The following KIF3B variants were observed in gnomAD, a reference collection of about 807,000 sequenced individuals.
The protein encoded by KIF3B is kinesin family member 3B.
Under a neutral mutation model 74.3 loss-of-function variants are expected in KIF3B, and 38 were observed. The observed-to-expected ratio is 0.51, with a 90% CI of 0.39 to 0.67. The LOEUF (loss-of-function observed/expected upper bound fraction) is 0.67, where lower values mean the gene tolerates loss of function less well. KIF3B is among the 30% of genes least tolerant of loss of function. KIF3B has a pLI of 0.00. For missense variants in KIF3B, 649 were observed against 932.0 expected, an observed-to-expected ratio of 0.70 and a Z score of 3.95; for synonymous variants, 326 against 342.5, an observed-to-expected ratio of 0.95 and a Z score of 0.53.
Position 32,330,152 on chromosome 20 carries a change from T to C in KIF3B, c.1980T>C (p.Ile660=). ...RPEARYRAEN[I]VLLELDMPSR... Reference sequence around the variant, plus strand: ...CTGTGCTTCTGCAGGCAGAAAACATTGTGCTGTTAGAGCTGGACATGCCCA... The same window carrying C: ...CTGTGCTTCTGCAGGCAGAAAACATCGTGCTGTTAGAGCTGGACATGCCCA... Residue 660 remains isoleucine (I), a synonymous_variant, in exon 8 of 9, where the codon ATT becomes ATC. Transcript: ENST00000375712. The C allele has an allele frequency of 1.2e-6, 2 of 1,613,090 alleles. No homozygotes were observed. Among genetic ancestry groups the C allele is most frequent in the Non-Finnish European group, 1.7e-6 (2 of 1,179,592 alleles).
At chr20:32,305,099 G>A (rs1440018204) in intron 1 of KIF3B, among the ~76,000 whole-genome samples, 1 of 152,088 alleles carries the variant, frequency 6.6e-6, no homozygotes, top group African/African-American at 2.4e-5. Context: ...AGTGAGCCGA[G>A]ATCGCACCAC....
chr20:32,299,269 A>T (rs2047730157), intron 1 of KIF3B, among the ~76,000 whole-genome samples: 1 of 150,276 alleles, frequency 6.7e-6, no homozygotes, highest in East Asian at 2.0e-4. Flanking sequence ...TTCTAATATA[A>T]CTTTGTTTAC....
In KIF3B at chr20:32,316,784, C is replaced by CT. The variant is rs747881866; in HGVS notation, c.1659dup (p.Glu554Ter). 1 of 1,614,088 alleles carries CT rather than the reference C, an allele frequency of 6.2e-7. No individual in the cohort carries two copies. Among genetic ancestry groups the CT allele is most frequent in the Non-Finnish European group, 8.5e-7 (1 of 1,179,982 alleles). On this transcript the variant is annotated frameshift_variant, in exon 5 of 9. Coordinates refer to ENST00000375712, the MANE Select transcript of KIF3B (RefSeq NM_004798.4). LOFTEE classifies it high-confidence loss of function. ...TTCTCCAAGCTTCAGGCAGTGAAGG[C>CT]TGAGATCCATGACCTCCAAGAAGAA...
In KIF3B at chr20:32,310,080, A is replaced by G. The variant is rs778824009; in HGVS notation, c.303A>G (p.Gly101=). ...TTGCCTATGGACAAACTGGGACAGG[A>G]AAAACCTACACCATGGAAGGAATCC... ...TIFAYGQTGT[G]KTYTMEGIRG... Residue 101 remains glycine (G), a synonymous_variant, in exon 2 of 9, where the codon GGA becomes GGG. Transcript: ENST00000375712. The surrounding 1 kb of genome is among the most constrained non-coding windows in gnomAD (Gnocchi z 6.5). 3.1e-6 allele frequency: 5 copies of G among 1,614,194 alleles called. No individual in the cohort carries two copies. In the Middle Eastern group the frequency reaches 6.6e-4, roughly 213 times the overall value.
chr20:32,305,507 C>T (rs1380904992), intron 1 of KIF3B, among the ~76,000 whole-genome samples: 2 of 151,856 alleles, frequency 1.3e-5, no homozygotes, highest in African/African-American at 2.4e-5. Flanking sequence ...CTGAGTTTTC[C>T]AGCACCAAAT....
intron 1 of KIF3B, among the ~76,000 whole-genome samples, chr20:32,280,364 A>G (rs2047636346): frequency 2.3e-5 from 2 of 86,748 alleles, no homozygotes; most frequent in Admixed American, 1.2e-4. Flanking sequence ...AAATGTTGAT[A>G]TTTTTATACA....
chr20:32,314,743 C>G (rs991854271), intron 2 of KIF3B, among the ~76,000 whole-genome samples: 6 of 152,110 alleles, frequency 3.9e-5, no homozygotes, highest in Non-Finnish European at 7.4e-5. Context: ...AGGTCAAAAT[C>G]ATTCTCATGG....
chr20:32,320,941 T>C (rs1438131239), intron 5 of KIF3B, among the ~76,000 whole-genome samples: 1 of 152,132 alleles, frequency 6.6e-6, no homozygotes, highest in Admixed American at 6.5e-5. Context: ...TGGACGCATG[T>C]TTCATTCTCT....
chr20:32,329,015 C>G (rs1224858375), intron 7 of KIF3B, among the ~76,000 whole-genome samples: 1 of 152,192 alleles, frequency 6.6e-6, no homozygotes, highest in African/African-American at 2.4e-5. Context: ...TCAAGCAATT[C>G]TGGTGCTTCA....
intron 8 of KIF3B, among the ~76,000 whole-genome samples, chr20:32,330,894 A>G (rs1334457552): frequency 6.6e-6 from 1 of 152,246 alleles, no homozygotes; most frequent in Non-Finnish European, 1.5e-5. Flanking sequence ...TAGGAAAACA[A>G]TTGGGTGGAA....
At chr20:32,311,241 A>G in intron 2 of KIF3B, 60 bp downstream of exon 2, 1 of 1,474,046 alleles carries the variant, frequency 6.8e-7, no homozygotes, top group Non-Finnish European at 9.0e-7. Flanking sequence ...CTTTCATCAA[A>G]CAACAACAAA....
At chr20:32,300,009 A>G (rs1419597041) in intron 1 of KIF3B, among the ~76,000 whole-genome samples, 2 of 151,742 alleles carry the variant, frequency 1.3e-5, no homozygotes, top group Non-Finnish European at 2.9e-5. Flanking sequence ...CTCCTGGACT[A>G]AGGCAATCCT....
intron 1 of KIF3B, among the ~76,000 whole-genome samples, chr20:32,300,565 C>T (rs6141664): frequency 0.34 from 52,335 of 151,980 alleles, 10,292 homozygotes; most frequent in East Asian, 0.74. Context: ...AGGCGTGAGC[C>T]GCCGCACCCG....
intron 1 of KIF3B, among the ~76,000 whole-genome samples, chr20:32,280,714 CAAAAAAAAAAAAAAAA>C (rs34366324): frequency 3.9e-5 from 2 of 51,346 alleles, no homozygotes; most frequent in Admixed American, 3.0e-4. Context: ...GACTCCGTCT[CAAAAAAAAAAAAAAAA>C]AAAAAAAAAA....
intron 1 of KIF3B, among the ~76,000 whole-genome samples, chr20:32,283,081 G>A (rs1284973162): frequency 1.3e-5 from 2 of 152,128 alleles, no homozygotes; most frequent in African/African-American, 4.8e-5. Context: ...TGTCACCCAG[G>A]TTGGAATGCA....
chr20:32,280,710 G>A lies in KIF3B; in HGVS notation c.-66+2945G>A, dbSNP rs754189655. Among the ~76,000 whole-genome samples, 6 of 78,156 alleles carry A rather than the reference G, an allele frequency of 7.7e-5. No individual in the cohort carries two copies. In the East Asian group the frequency reaches 2.1e-3, roughly 27 times the overall value. The allele number at this position is 78,156 out of a possible 152,430, so 51.3% of individuals were successfully genotyped here. On this transcript the variant is annotated intron_variant, in intron 1 of 8. Coordinates refer to ENST00000375712, the MANE Select transcript of KIF3B (RefSeq NM_004798.4). ...AGCCTGGGCGACAGAGCAAGACTCC[G>A]TCTCAAAAAAAAAAAAAAAAAAAAA...
chr20:32,333,650 A>AAAAAC lies in KIF3B; in HGVS notation c.*2335_*2336insCAAAA, dbSNP rs2047941713. The AAAAAC allele has an allele frequency of 6.6e-6, 1 of 151,350 alleles. No individual in the cohort carries two copies. The highest frequency in any genetic ancestry group is 2.4e-5 in the African/African-American group (1 of 41,116). 9.4% of individuals were successfully genotyped at this position (151,350 alleles called of 1,614,324 possible). ...TCCCCCTCAAAAAAAAAAAAAAAAA[A>AAAAAC]AAAAAAAACAGAAAGAAAGAAAAAG... On this transcript the variant is annotated 3_prime_UTR_variant, in exon 9 of 9. Coordinates refer to ENST00000375712, the MANE Select transcript of KIF3B (RefSeq NM_004798.4).
In KIF3B at chr20:32,281,295, T is replaced by G. The variant is rs79557564; in HGVS notation, c.-66+3530T>G. 9.3e-4 allele frequency among the ~76,000 whole-genome samples: 141 copies of G among 152,316 alleles called. 1 individual carries two copies. In the East Asian group the frequency reaches 0.026, roughly 29 times the overall value. ...CCATGATGCTATTGAGTGGCCCATT[T>G]CACGTTGAAATCCAGTCTTCTGTCT... On this transcript the variant is annotated intron_variant, in intron 1 of 8. Coordinates refer to ENST00000375712, the MANE Select transcript of KIF3B (RefSeq NM_004798.4).
At chr20:32,319,863 G>T (rs2047850303) in intron 5 of KIF3B, among the ~76,000 whole-genome samples, 1 of 151,490 alleles carries the variant, frequency 6.6e-6, no homozygotes, top group Admixed American at 6.6e-5. Context: ...TTGGATTACA[G>T]GCATGAGCCA....
Sources: gnomAD v4.1 joint callset for allele counts (sites outside exome capture counted in the v4.1 genomes callset) on GRCh38, gnomAD v4.1.1 for gene constraint, Gnocchi (gnomAD v3.1) non-coding constraint, MANE v1.5 for transcripts, NCBI Gene and HGNC (gene_info 2026-07-23, HGNC 2026-07-21) for gene names.